CCDC85C: variants seen among roughly 807,000 people sequenced by gnomAD.
CCDC85C encodes the protein coiled-coil domain-containing protein 85C.
A neutral mutation model predicts 38.3 loss-of-function variants in CCDC85C; 18 were observed. That is an observed-to-expected ratio of 0.47 (90% CI 0.33 to 0.70). CCDC85C has a LOEUF of 0.70. Among genes scored for constraint, CCDC85C ranks in the 30% least tolerant of loss-of-function variants. The probability of loss-of-function intolerance (pLI) is 0.03; values close to 1 mark genes in which losing one functional copy is unlikely to be tolerated. For missense variants in CCDC85C, 566 were observed against 621.2 expected, an observed-to-expected ratio of 0.91 and a Z score of 0.94; for synonymous variants, 264 against 293.8, an observed-to-expected ratio of 0.90 and a Z score of 1.04.
At chr14:99,528,388 C>T (rs961740429) in intron 2 of CCDC85C, among the ~76,000 whole-genome samples, 3 of 152,240 alleles carry the variant, frequency 2.0e-5, no homozygotes, top group African/African-American at 7.2e-5. Flanking sequence ...TTTCCCACAC[C>T]GAAGGCCAGG....
intron 1 of CCDC85C, among the ~76,000 whole-genome samples, chr14:99,561,752 C>G (rs763324320): frequency 1.3e-5 from 2 of 152,176 alleles, no homozygotes; most frequent in Non-Finnish European, 1.5e-5. Flanking sequence ...GCCCAGCACA[C>G]ATGAAGCTGG....
chr14:99,504,486 T>C lies in CCDC85C; in HGVS notation c.*10760A>G, dbSNP rs1244228190. On this transcript the variant is annotated 3_prime_UTR_variant, in exon 6 of 6. Coordinates refer to ENST00000380243, the MANE Select transcript of CCDC85C (RefSeq NM_001144995.2). Reference sequence around the variant, plus strand: ...TTTTTTTGAGACAGAGTTTCACTCTTGTTGCCCAGGCTGGAGTGCAGCGGT... The same window carrying C: ...TTTTTTTGAGACAGAGTTTCACTCTCGTTGCCCAGGCTGGAGTGCAGCGGT... 2.0e-5 allele frequency: 3 copies of C among 151,888 alleles called. No individual in the cohort carries two copies. The highest frequency in any genetic ancestry group is 7.3e-5 in the African/African-American group (3 of 41,220). The allele number at this position is 151,888 out of a possible 1,614,324, so 9.4% of individuals were successfully genotyped here. A position where few individuals can be genotyped will look rare whatever the true frequency, so the allele number is the denominator to read the frequency against.
rs1260169097 is a variant in CCDC85C, at chr14:99,544,324, C to T, written c.794-8236G>A. ...GTTCTGGCGCACTGACCCTGGGCCT[C>T]TCAAGACATCATCACCATGGTTGTC... On this transcript the variant is annotated intron_variant, in intron 1 of 5. Transcript: ENST00000380243. The surrounding 1 kb of genome is among the most constrained non-coding windows in gnomAD (Gnocchi z 5.3). Among the ~76,000 whole-genome samples the T allele has an allele frequency of 6.6e-6, 1 of 152,112 alleles. No homozygotes were observed. The highest frequency in any genetic ancestry group is 1.5e-5 in the Non-Finnish European group (1 of 68,016).
intron 1 of CCDC85C, among the ~76,000 whole-genome samples, chr14:99,540,073 G>A (rs377510408): frequency 3.3e-5 from 5 of 152,206 alleles, no homozygotes; most frequent in South Asian, 4.1e-4. Flanking sequence ...GCTTGAACCC[G>A]GGAGGCAGAG....
rs899806669 is a variant in CCDC85C at position 99,588,150 on chromosome 14, C to T, written c.793+15017G>A. 6.6e-6 allele frequency among the ~76,000 whole-genome samples: 1 copy of T among 152,168 alleles called. No homozygotes were observed. ...TGCCAATCAGCAGACCAACAAGGGG[C>T]AGGTCTGGGGAGACAAGCATCTCAG... On this transcript the variant is annotated intron_variant, in intron 1 of 5. Transcript: ENST00000380243. The surrounding 1 kb of genome is among the most constrained non-coding windows in gnomAD (Gnocchi z 5.0).
At chr14:99,578,490 AGT>A (rs906994079) in intron 1 of CCDC85C, among the ~76,000 whole-genome samples, 20 of 152,076 alleles carry the variant, frequency 1.3e-4, no homozygotes, top group African/African-American at 4.6e-4. Flanking sequence ...TTGCTTATTC[AGT>A]GTGTGTATGT....
Position 99,545,649 on chromosome 14 carries a change from G to A in CCDC85C, c.794-9561C>T, listed in dbSNP as rs1044770986. Among the ~76,000 whole-genome samples the A allele has an allele frequency of 6.6e-6, 1 of 152,110 alleles. No homozygotes were observed. Among genetic ancestry groups the A allele is most frequent in the Non-Finnish European group, 1.5e-5 (1 of 68,016 alleles). ...ACTTCACTGCTGAAGTTGGGAATCA[G>A]TGATAGATCTGGACTGTGTGCAGAC... On this transcript the variant is annotated intron_variant, in intron 1 of 5. Transcript: ENST00000380243. The surrounding 1 kb of genome is among the most constrained non-coding windows in gnomAD (Gnocchi z 4.7).
intron 1 of CCDC85C, among the ~76,000 whole-genome samples, chr14:99,578,784 C>G (rs1249198581): frequency 6.6e-6 from 1 of 152,216 alleles, no homozygotes; most frequent in African/African-American, 2.4e-5. Flanking sequence ...GCTGCTGCCC[C>G]AGCCCCCTTC....
At position 99,500,299 on chromosome 14, in the gene CCDC85C, C is replaced by A. The variant is rs1490118084; in HGVS notation, c.*14947G>T. On this transcript the variant is annotated 3_prime_UTR_variant, in exon 6 of 6. Transcript: ENST00000380243. ...GTGTACATGAGTATATATACACACA[C>A]ATACACACACACTGGTACAATTTAT... 2.8e-5 allele frequency: 5 copies of A among 181,804 alleles called. No homozygotes were observed. Among genetic ancestry groups the A allele is most frequent in the Admixed American group, 2.2e-4 (4 of 17,828 alleles). The allele number at this position is 181,804 out of a possible 1,614,324, so 11.3% of individuals were successfully genotyped here.
At position 99,604,027 on chromosome 14, in the gene CCDC85C, G is replaced by A. The variant is rs1354235220; in HGVS notation, c.-68C>T. On this transcript the variant is annotated 5_prime_UTR_variant, in exon 1 of 6. Transcript: ENST00000380243. ...CGGCGCTTCCCCGCGCCGGGGCTCCGCTGGGCCGGTCCGCGCGCGGGCGGG... is the reference window on the plus strand; with the variant it reads ...CGGCGCTTCCCCGCGCCGGGGCTCCACTGGGCCGGTCCGCGCGCGGGCGGG... The A allele has an allele frequency of 5.7e-6, 6 of 1,053,530 alleles. No individual in the cohort carries two copies. The highest frequency in any genetic ancestry group is 5.7e-6 in the Non-Finnish European group (5 of 875,692). 65.3% of individuals were successfully genotyped at this position (1,053,530 alleles called of 1,614,324 possible).
At chr14:99,593,951 T>C (rs1042784954) in intron 1 of CCDC85C, among the ~76,000 whole-genome samples, 6 of 148,594 alleles carry the variant, frequency 4.0e-5, no homozygotes, top group African/African-American at 4.9e-5. Context: ...ATTTTAGTAA[T>C]TATTCAGGGG....
rs759968204 is a variant in CCDC85C at position 99,502,426 on chromosome 14, T to G, written c.*12820A>C. On this transcript the variant is annotated 3_prime_UTR_variant, in exon 6 of 6. Coordinates refer to ENST00000380243, the MANE Select transcript of CCDC85C (RefSeq NM_001144995.2). ...GTGAGGGTGTTCCATGTTGAGATGATTCTTCCATGTGTACCCTGAGTCCCA... is the reference window on the plus strand; with the variant it reads ...GTGAGGGTGTTCCATGTTGAGATGAGTCTTCCATGTGTACCCTGAGTCCCA... The G allele has an allele frequency of 1.9e-6, 3 of 1,589,416 alleles. No homozygotes were observed. Among genetic ancestry groups the G allele is most frequent in the Non-Finnish European group, 2.6e-6 (3 of 1,167,290 alleles).
At chr14:99,557,402 G>A (rs1898033129) in intron 1 of CCDC85C, among the ~76,000 whole-genome samples, 1 of 152,212 alleles carries the variant, frequency 6.6e-6, no homozygotes, top group Non-Finnish European at 1.5e-5. Flanking sequence ...TGGTCCCTTG[G>A]CCACTGCCTG....
intron 1 of CCDC85C, among the ~76,000 whole-genome samples, chr14:99,538,756 GC>G (rs940096399): frequency 1.3e-5 from 2 of 152,202 alleles, no homozygotes; most frequent in Non-Finnish European, 2.9e-5. Flanking sequence ...TGAGCAGTCC[GC>G]CCCCTCAGAT....
Position 99,520,686 on chromosome 14 carries a change from C to G in CCDC85C, c.975+1447G>C, listed in dbSNP as rs1337847926. Among the ~76,000 whole-genome samples the G allele has an allele frequency of 6.6e-6, 1 of 152,322 alleles. No individual in the cohort carries two copies. Among genetic ancestry groups the G allele is most frequent in the East Asian group, 1.9e-4 (1 of 5,166 alleles). ...GCCTCATGGAGGAGCGACCCCTGCA[C>G]AGCCCCCACGCTGGCCCCTGACCTC... On this transcript the variant is annotated intron_variant, in intron 3 of 5. Coordinates refer to ENST00000380243, the MANE Select transcript of CCDC85C (RefSeq NM_001144995.2). The surrounding 1 kb of genome is among the most constrained non-coding windows in gnomAD (Gnocchi z 4.1).
At chr14:99,538,265 G>A (rs1484806539) in intron 1 of CCDC85C, among the ~76,000 whole-genome samples, 1 of 152,212 alleles carries the variant, frequency 6.6e-6, no homozygotes, top group African/African-American at 2.4e-5. Context: ...CACGCCACAG[G>A]TCAGTCTTTA....
chr14:99,552,002 C>T (rs1284038639), intron 1 of CCDC85C, among the ~76,000 whole-genome samples: 2 of 152,200 alleles, frequency 1.3e-5, no homozygotes, highest in African/African-American at 4.8e-5. Context: ...GGACCTGAGG[C>T]TAAGAGGAGG....
chr14:99,510,782 AC>A lies in CCDC85C; in HGVS notation c.*4463del. 1 of 1,429,022 alleles carries A rather than the reference AC, an allele frequency of 7.0e-7. No individual in the cohort carries two copies. The highest frequency in any genetic ancestry group is 9.2e-7 in the Non-Finnish European group (1 of 1,091,918). 88.5% of individuals were successfully genotyped at this position (1,429,022 alleles called of 1,614,324 possible). ...TGGGGCGGGCAGCCTGGATGAGATA[AC>A]GTGAGCCTTTTTTCCCTCTTTGTTT... On this transcript the variant is annotated 3_prime_UTR_variant, in exon 6 of 6. Coordinates refer to ENST00000380243, the MANE Select transcript of CCDC85C (RefSeq NM_001144995.2).
intron 1 of CCDC85C, among the ~76,000 whole-genome samples, chr14:99,552,970 C>T (rs12888297): frequency 0.53 from 80,638 of 151,936 alleles, 21,579 homozygotes; most frequent in African/African-American, 0.58. Flanking sequence ...CCCAGGCCAC[C>T]AGGGATGGCC....
Sources: gnomAD v4.1 joint callset for allele counts (sites outside exome capture counted in the v4.1 genomes callset) on GRCh38, gnomAD v4.1.1 for gene constraint, Gnocchi (gnomAD v3.1) non-coding constraint, MANE v1.5 for transcripts, NCBI Gene and HGNC (gene_info 2026-07-23, HGNC 2026-07-21) for gene names.